The following KCND2 variants were observed in gnomAD, a reference collection of about 807,000 sequenced individuals.
KCND2 encodes potassium voltage-gated channel subfamily D member 2.
KCND2 carries 16 observed loss-of-function variants against 54.4 expected under a neutral mutation model. That is an observed-to-expected ratio of 0.29 (90% confidence interval 0.20 to 0.45). The LOEUF is 0.45. Among genes scored for constraint, KCND2 ranks in the 20% least tolerant of loss-of-function variants. KCND2 has a pLI of 1.00. For synonymous variants in KCND2, 317 were observed against 310.7 expected (o/e 1.02, Z -0.21); for missense variants, 486 against 824.2 (o/e 0.59, Z 5.02).
chr7:120,699,354 A>G (rs1428797394), intron 1 of KCND2, among the ~76,000 whole-genome samples: 1 of 152,202 alleles, frequency 6.6e-6, no homozygotes, highest in Non-Finnish European at 1.5e-5. Context: ...GGTTAAGGAA[A>G]CATTCATTCC....
intron 1 of KCND2, among the ~76,000 whole-genome samples, chr7:120,307,423 T>C (rs1424151870): frequency 6.6e-6 from 1 of 151,978 alleles, no homozygotes; most frequent in Non-Finnish European, 1.5e-5. Flanking sequence ...AGCTTACAGG[T>C]TTTCTGAAAC....
intron 1 of KCND2, among the ~76,000 whole-genome samples, chr7:120,662,045 A>G (rs1041648327): frequency 2.0e-5 from 3 of 152,142 alleles, no homozygotes; most frequent in Non-Finnish European, 4.4e-5. Context: ...GGTTTTGCCA[A>G]TTCTTTGGCT....
At chr7:120,418,427 A>T (rs1219976709) in intron 1 of KCND2, among the ~76,000 whole-genome samples, 1 of 152,144 alleles carries the variant, frequency 6.6e-6, no homozygotes, top group Non-Finnish European at 1.5e-5. Flanking sequence ...AATGTGGCTC[A>T]AGTATAGGCT....
At chr7:120,512,730 G>T (rs1248104283) in intron 1 of KCND2, among the ~76,000 whole-genome samples, 1 of 151,816 alleles carries the variant, frequency 6.6e-6, no homozygotes, top group African/African-American at 2.4e-5. Context: ...TTTCATAAAG[G>T]CAGGGAAGAT....
At chr7:120,578,020 G>T (rs1345905343) in intron 1 of KCND2, among the ~76,000 whole-genome samples, 2 of 148,738 alleles carry the variant, frequency 1.3e-5, no homozygotes, top group Non-Finnish European at 3.0e-5. Flanking sequence ...GAGCAACATG[G>T]CAAAACGAAG....
intron 1 of KCND2, among the ~76,000 whole-genome samples, chr7:120,611,953 T>A (rs1011900117): frequency 1.3e-5 from 2 of 152,184 alleles, no homozygotes; most frequent in Non-Finnish European, 2.9e-5. Flanking sequence ...AATTTTCCGT[T>A]ACCAGAAAAA....
chr7:120,671,866 A>G (rs142620283), intron 1 of KCND2, among the ~76,000 whole-genome samples: 79 of 152,300 alleles, frequency 5.2e-4, no homozygotes, highest in African/African-American at 1.6e-3. Context: ...GGCAGAAGAA[A>G]TAATCACACA....
At chr7:120,576,211 G>A (rs530214301) in intron 1 of KCND2, among the ~76,000 whole-genome samples, 16 of 152,102 alleles carry the variant, frequency 1.1e-4, no homozygotes, top group East Asian at 5.8e-4. Flanking sequence ...AAATAATTTT[G>A]TAGTAGCAAA....
intron 5 of KCND2, chr7:120,746,928 C>T (rs1020192664): frequency 8.6e-5 from 13 of 151,966 alleles, no homozygotes; most frequent in African/African-American, 2.7e-4. Context: ...AAATTAGGAG[C>T]CATAAGACTT....
intron 1 of KCND2, among the ~76,000 whole-genome samples, chr7:120,410,915 A>G (rs956323554): frequency 4.0e-5 from 6 of 151,886 alleles, no homozygotes; most frequent in Non-Finnish European, 5.9e-5. Context: ...CATGGTGTAT[A>G]TGTGCCACAT....
At chr7:120,492,933 T>A (rs916670251) in intron 1 of KCND2, among the ~76,000 whole-genome samples, 1 of 151,986 alleles carries the variant, frequency 6.6e-6, no homozygotes, top group Admixed American at 6.6e-5. Flanking sequence ...TGAGGTATGG[T>A]TCCTATTGAA....
chr7:120,713,585 A>C (rs1261371534), intron 1 of KCND2, among the ~76,000 whole-genome samples: 1 of 152,142 alleles, frequency 6.6e-6, no homozygotes, highest in Non-Finnish European at 1.5e-5. Context: ...TCTTAGCAAA[A>C]TTCAAGCAGG....
chr7:120,416,472 T>C (rs1449215391), intron 1 of KCND2, among the ~76,000 whole-genome samples: 2 of 152,192 alleles, frequency 1.3e-5, no homozygotes, highest in African/African-American at 4.8e-5. Context: ...TTGACTTTCA[T>C]AGTATTACAT....
At chr7:120,541,984 T>A (rs1466242886) in intron 1 of KCND2, among the ~76,000 whole-genome samples, 1 of 152,146 alleles carries the variant, frequency 6.6e-6, no homozygotes, top group Admixed American at 6.6e-5. Context: ...CATTTTACAG[T>A]CATTTATTGA....
chr7:120,450,747 A>T (rs1312342204), intron 1 of KCND2, among the ~76,000 whole-genome samples: 1 of 152,192 alleles, frequency 6.6e-6, no homozygotes, highest in Non-Finnish European at 1.5e-5. Flanking sequence ...CTTGTTTGGG[A>T]TAGAGCTAAT....
At chr7:120,599,820 C>T (rs1412416170) in intron 1 of KCND2, among the ~76,000 whole-genome samples, 1 of 151,866 alleles carries the variant, frequency 6.6e-6, no homozygotes, top group Non-Finnish European at 1.5e-5. Context: ...TACTGACCTC[C>T]AGTAAAATGA....
chr7:120,563,298 C>A (rs1376282251), intron 1 of KCND2, among the ~76,000 whole-genome samples: 1 of 152,044 alleles, frequency 6.6e-6, no homozygotes, highest in Non-Finnish European at 1.5e-5. Context: ...AAAACCCTTC[C>A]TCTTGTATTT....
chr7:120,706,097 G>A (rs148014598), intron 1 of KCND2, among the ~76,000 whole-genome samples: 28 of 152,168 alleles, frequency 1.8e-4, no homozygotes, highest in Non-Finnish European at 2.8e-4. Context: ...TGAATACATA[G>A]GAGAGGATAG....
intron 1 of KCND2, among the ~76,000 whole-genome samples, chr7:120,493,940 T>C (rs1458474490): frequency 1.3e-5 from 2 of 152,132 alleles, no homozygotes; most frequent in African/African-American, 4.8e-5. Context: ...AAATAAGCAG[T>C]AAAAATTGCT....
Sources: gnomAD v4.1 joint callset for allele counts (sites outside exome capture counted in the v4.1 genomes callset) on GRCh38, gnomAD v4.1.1 for gene constraint, MANE v1.5 for transcripts, NCBI Gene and HGNC (gene_info 2026-07-23, HGNC 2026-07-21) for gene names.